The following TMPRSS11F variants were observed in gnomAD, a reference collection of about 807,000 sequenced individuals.
The protein encoded by TMPRSS11F is transmembrane protease serine 11F.
TMPRSS11F carries 47 observed loss-of-function variants against 60.2 expected under a neutral mutation model. The ratio of observed to expected loss-of-function variants is 0.78; its 90% CI spans 0.62 to 1.00. The LOEUF is 1.00. Ranked by LOEUF, TMPRSS11F falls within the 50% of genes least tolerant of loss-of-function variation. The pLI, the probability that TMPRSS11F is intolerant of heterozygous loss-of-function variation, is 0.00. For missense variants in TMPRSS11F, 519 were observed against 522.9 expected, an observed-to-expected ratio of 0.99 and a Z score of 0.07; for synonymous variants, 166 against 167.3, an observed-to-expected ratio of 0.99 and a Z score of 0.06.
intron 8 of TMPRSS11F, among the ~76,000 whole-genome samples, chr4:68,060,515 C>CA (rs71218926): frequency 0.24 from 7,133 of 29,616 alleles, 2,736 homozygotes; most frequent in Admixed American, 0.45. Context: ...GACTCCAACT[C>CA]AAAAAAAAAA....
intron 1 of TMPRSS11F, among the ~76,000 whole-genome samples, chr4:68,128,224 C>T (rs1223776071): frequency 6.6e-6 from 1 of 152,074 alleles, no homozygotes; most frequent in Non-Finnish European, 1.5e-5. Context: ...TCTTTATACA[C>T]AAGATATATT....
intron 1 of TMPRSS11F, among the ~76,000 whole-genome samples, chr4:68,120,852 G>A (rs911940193): frequency 2.0e-5 from 3 of 152,162 alleles, no homozygotes; most frequent in South Asian, 4.1e-4. Context: ...ACTCACTGAA[G>A]TTTCCAATGA....
At chr4:68,104,248 C>A (rs1724254821) in intron 1 of TMPRSS11F, among the ~76,000 whole-genome samples, 1 of 152,146 alleles carries the variant, frequency 6.6e-6, no homozygotes, top group East Asian at 1.9e-4. Flanking sequence ...TTTTTCCCCA[C>A]TGATTACGAT....
At chr4:68,064,175 CTTTTCTTTT>C (rs1463483165) in intron 8 of TMPRSS11F, among the ~76,000 whole-genome samples, 8 of 142,074 alleles carry the variant, frequency 5.6e-5, no homozygotes, top group African/African-American at 7.8e-5. Context: ...TTCTTTCTTT[CTTTTCTTTT>C]TTTTCTTTTT....
At chr4:68,073,515 G>C (rs1273037576) in intron 4 of TMPRSS11F, among the ~76,000 whole-genome samples, 1 of 152,108 alleles carries the variant, frequency 6.6e-6, no homozygotes, top group African/African-American at 2.4e-5. Flanking sequence ...AGAGAAAAAG[G>C]AAAGACATGA....
intron 4 of TMPRSS11F, among the ~76,000 whole-genome samples, chr4:68,073,082 C>G (rs1278686528): frequency 6.6e-6 from 1 of 152,202 alleles, no homozygotes; most frequent in African/African-American, 2.4e-5. Context: ...CTTGCTCTCA[C>G]TCTTCCCTTG....
At chr4:68,109,998 A>T (rs1330528125) in intron 1 of TMPRSS11F, among the ~76,000 whole-genome samples, 1 of 152,214 alleles carries the variant, frequency 6.6e-6, no homozygotes, top group Admixed American at 6.5e-5. Context: ...CTAATCAAGT[A>T]TTCTCACAGC....
intron 7 of TMPRSS11F, 143 bp from the exon 8 acceptor site, chr4:68,065,087 G>A: frequency 1.4e-6 from 1 of 736,858 alleles, no homozygotes. Context: ...AACATAATAG[G>A]AAAAAAATTG....
At chr4:68,095,204 T>C (rs1724047441) in intron 2 of TMPRSS11F, among the ~76,000 whole-genome samples, 1 of 151,536 alleles carries the variant, frequency 6.6e-6, no homozygotes, top group African/African-American at 2.4e-5. Flanking sequence ...ATATGTATTA[T>C]ATATAAGATT....
At chr4:68,114,845 G>C (rs1336165883) in intron 1 of TMPRSS11F, among the ~76,000 whole-genome samples, 2 of 151,504 alleles carry the variant, frequency 1.3e-5, no homozygotes. Context: ...GAACTACAAA[G>C]TTAGTTCAAA....
intron 1 of TMPRSS11F, among the ~76,000 whole-genome samples, chr4:68,106,604 G>C (rs917725121): frequency 1.3e-5 from 2 of 152,106 alleles, no homozygotes; most frequent in Admixed American, 1.3e-4. Context: ...ACTGCGGGGG[G>C]AGGGGTTACA....
intron 1 of TMPRSS11F, among the ~76,000 whole-genome samples, chr4:68,126,330 G>A (rs923317855): frequency 3.9e-5 from 6 of 152,102 alleles, no homozygotes; most frequent in African/African-American, 1.2e-4. Flanking sequence ...TTGTACTAAT[G>A]AATAAATGAA....
intron 1 of TMPRSS11F, among the ~76,000 whole-genome samples, chr4:68,123,818 C>T (rs200286750): frequency 6.6e-6 from 1 of 152,026 alleles, no homozygotes; most frequent in Non-Finnish European, 1.5e-5. Context: ...CAATCCTTAA[C>T]AAGACAAGCC....
intron 2 of TMPRSS11F, among the ~76,000 whole-genome samples, chr4:68,095,443 T>A (rs1255708455): frequency 6.6e-6 from 1 of 152,060 alleles, no homozygotes; most frequent in Non-Finnish European, 1.5e-5. Context: ...GTAGAACAGA[T>A]AAATGCAAAT....
At chr4:68,075,734 C>T (rs890988423) in intron 3 of TMPRSS11F, among the ~76,000 whole-genome samples, 2 of 152,088 alleles carry the variant, frequency 1.3e-5, no homozygotes, top group African/African-American at 2.4e-5. Flanking sequence ...GTGGCTCACA[C>T]CTGTAATCCC....
At chr4:68,080,274 C>T (rs1409191531) in intron 3 of TMPRSS11F, 1 of 152,232 alleles carries the variant, frequency 6.6e-6, no homozygotes, top group Admixed American at 6.5e-5. Flanking sequence ...GGAGTTATTG[C>T]TTGCAGTCAC....
chr4:68,107,578 C>G (rs185653757), intron 1 of TMPRSS11F, among the ~76,000 whole-genome samples: 9 of 152,230 alleles, frequency 5.9e-5, no homozygotes, highest in African/African-American at 2.2e-4. Context: ...AGCAGAAGGT[C>G]AGTGTGGCCA....
intron 1 of TMPRSS11F, among the ~76,000 whole-genome samples, chr4:68,105,983 T>TA (rs1311808432): frequency 1.3e-4 from 20 of 152,298 alleles, no homozygotes; most frequent in African/African-American, 4.6e-4. Context: ...ATACATCTGT[T>TA]AAAAAACTTG....
chr4:68,098,460 CTG>C (rs1724123119), intron 2 of TMPRSS11F, among the ~76,000 whole-genome samples: 2 of 151,904 alleles, frequency 1.3e-5, no homozygotes, highest in African/African-American at 4.8e-5. Context: ...ATAAAAAAAT[CTG>C]TTTTTTTCTT....
Sources: allele counts gnomAD v4.1 joint callset (sites outside exome capture counted in the v4.1 genomes callset), GRCh38; gene constraint gnomAD v4.1.1; transcripts MANE v1.5; gene names NCBI Gene and HGNC (gene_info 2026-07-23, HGNC 2026-07-21).